The following CDYL variants were observed in gnomAD, a reference collection of about 807,000 sequenced individuals.
The protein encoded by CDYL is chromodomain Y like, also known as chromodomain Y-like protein.
Under a neutral mutation model 47.3 loss-of-function variants are expected in CDYL, and 8 were observed. The observed-to-expected ratio is 0.17, with a 90% CI of 0.10 to 0.31. The LOEUF is 0.31. Among genes scored for constraint, CDYL ranks in the 10% least tolerant of loss-of-function variants. The pLI is 1.00. For synonymous variants in CDYL, 266 were observed against 265.0 expected (o/e 1.00, Z -0.04); for missense variants, 471 against 701.4 (o/e 0.67, Z 3.71).
chr6:4,722,872 T>G (rs957016606), intron 2 of CDYL, among the ~76,000 whole-genome samples: 4 of 152,060 alleles, frequency 2.6e-5, no homozygotes, highest in African/African-American at 9.7e-5. Context: ...AGTGAGACAT[T>G]GTCTCAAAAA....
At chr6:4,860,372 A>C (rs1006027796) in intron 1 of CDYL, among the ~76,000 whole-genome samples, 3 of 151,416 alleles carry the variant, frequency 2.0e-5, no homozygotes, top group Admixed American at 6.6e-5. Flanking sequence ...CATTCTCCTA[A>C]CTACTATGGT....
chr6:4,778,847 A>C (rs1336469412), intron 1 of CDYL, among the ~76,000 whole-genome samples: 1 of 152,026 alleles, frequency 6.6e-6, no homozygotes, highest in Non-Finnish European at 1.5e-5. Context: ...TTTGCATGGC[A>C]GTTGAGAGCC....
At chr6:4,810,918 A>G (rs372909998) in intron 1 of CDYL, among the ~76,000 whole-genome samples, 1 of 152,210 alleles carries the variant, frequency 6.6e-6, no homozygotes, top group South Asian at 2.1e-4. Flanking sequence ...AACATAGGAA[A>G]TTTTGGGGGA....
intron 2 of CDYL, among the ~76,000 whole-genome samples, chr6:4,932,724 G>A (rs1758067095): frequency 6.6e-6 from 1 of 152,204 alleles, no homozygotes; most frequent in African/African-American, 2.4e-5. Context: ...CAACATGCCA[G>A]CACCGTGTCA....
At chr6:4,771,137 G>A (rs1758332449) in intron 3 of CDYL, among the ~76,000 whole-genome samples, 1 of 151,862 alleles carries the variant, frequency 6.6e-6, no homozygotes, top group African/African-American at 2.4e-5. Flanking sequence ...CGGGGGGGAT[G>A]GAGTCTTGCT....
At chr6:4,888,336 T>A (rs1761953548) in intron 1 of CDYL, among the ~76,000 whole-genome samples, 1 of 152,192 alleles carries the variant, frequency 6.6e-6, no homozygotes, top group South Asian at 2.1e-4. Context: ...ATCAGTCTTA[T>A]ATAGGCCTGT....
At chr6:4,876,463 A>C (rs1472171810) in intron 1 of CDYL, among the ~76,000 whole-genome samples, 3 of 152,188 alleles carry the variant, frequency 2.0e-5, no homozygotes, top group Admixed American at 1.3e-4. Context: ...CCAACGATGT[A>C]TGAATGTCCT....
In CDYL at chr6:4,861,212, C is replaced by T. The variant is rs2027422; in HGVS notation, c.25-30501C>T. ...GTGTCCTTTCTGGCTATGTGTATGGCGTATACGGTGATGCCTAGGTTACCA... is the reference window on the plus strand; with the variant it reads ...GTGTCCTTTCTGGCTATGTGTATGGTGTATACGGTGATGCCTAGGTTACCA... On this transcript the variant is annotated intron_variant, in intron 1 of 6. Transcript: ENST00000397588. Among the ~76,000 whole-genome samples the T allele has an allele frequency of 4.2e-3, 640 of 152,304 alleles. 1 individual carries two copies. Among genetic ancestry groups the T allele is most frequent in the African/African-American group, 0.014 (600 of 41,568 alleles).
chr6:4,887,857 C>T (rs1761939048), intron 1 of CDYL, among the ~76,000 whole-genome samples: 1 of 148,794 alleles, frequency 6.7e-6, no homozygotes, highest in Non-Finnish European at 1.5e-5. Flanking sequence ...TGAGGAAGTT[C>T]CCTCTATTTC....
At chr6:4,877,339 A>C (rs944683456) in intron 1 of CDYL, among the ~76,000 whole-genome samples, 2 of 152,076 alleles carry the variant, frequency 1.3e-5, no homozygotes, top group African/African-American at 4.8e-5. Context: ...TTTTTAATGA[A>C]ATCTTTTTTT....
intron 1 of CDYL, among the ~76,000 whole-genome samples, chr6:4,807,639 T>C (rs116715326): frequency 0.085 from 11,886 of 139,360 alleles, 619 homozygotes; most frequent in South Asian, 0.13. Flanking sequence ...GCTCTTGCAC[T>C]GTCATCCAGG....
chr6:4,859,457 C>T (rs1056641554), intron 1 of CDYL, among the ~76,000 whole-genome samples: 6 of 152,116 alleles, frequency 3.9e-5, no homozygotes, highest in Admixed American at 6.5e-5. Context: ...GTCCCTGCCA[C>T]GGTCCCCTGG....
intron 1 of CDYL, among the ~76,000 whole-genome samples, chr6:4,877,764 G>A (rs955555800): frequency 3.3e-5 from 5 of 152,164 alleles, no homozygotes; most frequent in African/African-American, 1.2e-4. Context: ...GGTTGTAGGA[G>A]CCCTACTTAG....
chr6:4,763,635 A>G (rs779379079), intron 3 of CDYL, among the ~76,000 whole-genome samples: 3 of 152,222 alleles, frequency 2.0e-5, no homozygotes, highest in Non-Finnish European at 2.9e-5. Flanking sequence ...AATAAGGAGA[A>G]AAATAATAGA....
intron 1 of CDYL, among the ~76,000 whole-genome samples, chr6:4,860,505 A>G (rs1761133800): frequency 6.8e-6 from 1 of 147,638 alleles, no homozygotes; most frequent in African/African-American, 2.5e-5. Context: ...AAATATATAT[A>G]TATAAAAAAT....
At chr6:4,740,983 C>CA (rs576146741) in intron 3 of CDYL, among the ~76,000 whole-genome samples, 4 of 152,160 alleles carry the variant, frequency 2.6e-5, no homozygotes, top group African/African-American at 9.6e-5. Context: ...GATGGGGTTT[C>CA]ACCATGTTGG....
chr6:4,836,076 C>G (rs1760295981), intron 1 of CDYL: 1 of 156,240 alleles, frequency 6.4e-6, no homozygotes, highest in South Asian at 2.1e-4. Context: ...GCACGGTGCG[C>G]TGCACCCACT....
At chr6:4,713,766 T>G (rs1013680781) in intron 1 of CDYL, among the ~76,000 whole-genome samples, 2 of 152,082 alleles carry the variant, frequency 1.3e-5, no homozygotes, top group African/African-American at 4.8e-5. Context: ...TTTTGTATTT[T>G]TAGTAGAAAT....
intron 1 of CDYL, among the ~76,000 whole-genome samples, chr6:4,855,932 T>C (rs73364580): frequency 0.036 from 5,478 of 152,324 alleles, 331 homozygotes; most frequent in African/African-American, 0.12. Flanking sequence ...GTAGTTCTTA[T>C]GCTCATTGTC....
Sources: gnomAD v4.1 joint callset for allele counts (sites outside exome capture counted in the v4.1 genomes callset) on GRCh38, gnomAD v4.1.1 for gene constraint, MANE v1.5 for transcripts, NCBI Gene and HGNC (gene_info 2026-07-23, HGNC 2026-07-21) for gene names.